The following GNPDA2 variants were observed in gnomAD, a reference collection of about 807,000 sequenced individuals.
GNPDA2 encodes glcN6P deaminase 2.
Under a neutral mutation model 27.0 loss-of-function variants are expected in GNPDA2, and 24 were observed. The ratio of observed to expected loss-of-function variants is 0.89; its 90% confidence interval spans 0.64 to 1.25. GNPDA2 has a LOEUF of 1.25. GNPDA2 is among the 50% of genes most tolerant of loss of function. The pLI, the probability that GNPDA2 is intolerant of heterozygous loss-of-function variation, is 0.00. For missense variants in GNPDA2, 286 were observed against 335.1 expected, an observed-to-expected ratio of 0.85 and a Z score of 1.14; for synonymous variants, 94 against 108.4, an observed-to-expected ratio of 0.87 and a Z score of 0.83.
chr4:44,708,240 G>T (rs756870783), intron 5 of GNPDA2, among the ~76,000 whole-genome samples: 2 of 151,944 alleles, frequency 1.3e-5, no homozygotes, highest in Admixed American at 6.6e-5. Context: ...AGAAACAAAA[G>T]GACTGTGTTG....
chr4:44,706,861 G>A (rs992733030), intron 6 of GNPDA2: 1 of 151,972 alleles, frequency 6.6e-6, no homozygotes, highest in African/African-American at 2.4e-5. Flanking sequence ...AGTTACTAGA[G>A]TAAAAAAGAT....
chr4:44,709,558 G>C (rs1265898498), intron 5 of GNPDA2, among the ~76,000 whole-genome samples: 1 of 152,094 alleles, frequency 6.6e-6, no homozygotes, highest in Non-Finnish European at 1.5e-5. Flanking sequence ...ATGTTGCATT[G>C]ATACAGCTTT....
intron 6 of GNPDA2, chr4:44,704,693 T>C (rs990696531): frequency 1.0e-6 from 1 of 966,776 alleles, no homozygotes; most frequent in Non-Finnish European, 1.2e-6. Context: ...GAAATAATTC[T>C]TCTGATAAAA....
chr4:44,723,254 T>TA (rs1553879974), intron 1 of GNPDA2, among the ~76,000 whole-genome samples: 5 of 152,088 alleles, frequency 3.3e-5, no homozygotes, highest in East Asian at 3.9e-4. Context: ...TTCCTTTTTT[T>TA]TAAAAAAATG....
At chr4:44,704,336 A>C (rs1716456041) in intron 6 of GNPDA2, 1 of 960,904 alleles carries the variant, frequency 1.0e-6, no homozygotes, top group South Asian at 4.8e-5. Context: ...AACATTTTCC[A>C]GAGTATCACT....
intron 2 of GNPDA2, among the ~76,000 whole-genome samples, chr4:44,720,412 C>G (rs1421151811): frequency 6.6e-6 from 1 of 152,040 alleles, no homozygotes. Flanking sequence ...CAAAGCAAAG[C>G]AAAGCAGCCA....
intron 6 of GNPDA2, chr4:44,705,059 A>T: frequency 1.0e-6 from 1 of 983,554 alleles, no homozygotes; most frequent in Non-Finnish European, 1.2e-6. Context: ...GACAATTTTT[A>T]TTGTTTTGGA....
chr4:44,707,778 C>G lies in GNPDA2; in HGVS notation c.743G>C (p.Arg248Thr), dbSNP rs768553217. The change falls in exon 6 of 7, where the codon AGA (arginine) becomes ACA (threonine). Residue 248 changes from arginine (R) to threonine (T), a missense_variant. By Grantham distance (71) the Arg-to-Thr change is moderately conservative (BLOSUM62 -1). Coordinates refer to ENST00000295448, the MANE Select transcript of GNPDA2 (RefSeq NM_138335.3). ...TTTAAAGTATTTCACAGTTTTAACTCTTAATTCTAAAGTAGCATCTTCATC... is the reference window on the plus strand; with the variant it reads ...TTTAAAGTATTTCACAGTTTTAACTGTTAATTCTAAAGTAGCATCTTCATC... The part of the protein sequence containing the change: ...VCDEDATLEL[R>T]VKTVKYFKGL... 6.2e-7 allele frequency: 1 copy of G among 1,613,110 alleles called. No individual in the cohort carries two copies. The highest frequency in any genetic ancestry group is 1.1e-5 in the South Asian group (1 of 91,018).
rs1198283267 is a variant in GNPDA2 at position 44,717,118 on chromosome 4, A to G, written c.404T>C (p.Val135Ala). ...IKEAGGIDLF[V>A]GGIGPDGHIA... ...GACAAAAGGTTTTTACATACCTCCAACAAAAAGATCTATTCCTCCAGCTTC... is the reference window on the plus strand; with the variant it reads ...GACAAAAGGTTTTTACATACCTCCAGCAAAAAGATCTATTCCTCCAGCTTC... Residue 135 changes from valine to alanine, a missense_variant, in exon 4 of 7, where the codon GTT (valine) becomes GCT (alanine). Val to Ala is a moderately conservative substitution (Grantham distance 64). Coordinates refer to ENST00000295448, the MANE Select transcript of GNPDA2 (RefSeq NM_138335.3). 5.6e-6 allele frequency: 9 copies of G among 1,601,630 alleles called. No individual in the cohort carries two copies. The highest frequency in any genetic ancestry group is 7.7e-6 in the Non-Finnish European group (9 of 1,174,232).
chr4:44,709,478 G>GC (rs2109699442), intron 5 of GNPDA2, among the ~76,000 whole-genome samples: 1 of 152,230 alleles, frequency 6.6e-6, no homozygotes, highest in African/African-American at 2.4e-5. Flanking sequence ...TAAATTTAAA[G>GC]AAGCAAGCTA....
At chr4:44,703,224 A>G in intron 6 of GNPDA2, 82 bp from the exon 7 acceptor site, 1 of 1,525,446 alleles carries the variant, frequency 6.6e-7, no homozygotes, top group African/African-American at 1.4e-5. Context: ...AGTATTTTTT[A>G]TAAGACACAG....
chr4:44,717,247 T>C lies in GNPDA2; in HGVS notation c.275A>G (p.Asn92Ser). 6.4e-7 allele frequency: 1 copy of C among 1,553,638 alleles called. No homozygotes were observed. Among genetic ancestry groups the C allele is most frequent in the Non-Finnish European group, 8.8e-7 (1 of 1,140,740 alleles). The change falls in exon 4 of 7, where the codon AAT (asparagine) becomes AGT (serine). Residue 92 changes from asparagine to serine, a missense_variant. Coordinates refer to ENST00000295448, the MANE Select transcript of GNPDA2 (RefSeq NM_138335.3). ...ATCTATATCGATATGCTTAAAAAAATTATTCCACATATAAGAATGGTAGCT... is the reference window on the plus strand; with the variant it reads ...ATCTATATCGATATGCTTAAAAAAACTATTCCACATATAAGAATGGTAGCT... Reference protein sequence around the residue: ...PESYHSYMWNNFFKHIDIDPN... With the variant: ...PESYHSYMWNSFFKHIDIDPN...
At position 44,702,501 on chromosome 4, in the gene GNPDA2, G is replaced by A. The variant is rs1716339267; in HGVS notation, c.*580C>T. ...ATGCACTTACACATACTTTCCAAAAGGATGTAAACTGTACTTTTAGGCACT... is the reference window on the plus strand; with the variant it reads ...ATGCACTTACACATACTTTCCAAAAAGATGTAAACTGTACTTTTAGGCACT... On this transcript the variant is annotated 3_prime_UTR_variant, in exon 7 of 7. Coordinates refer to ENST00000295448, the MANE Select transcript of GNPDA2 (RefSeq NM_138335.3). 3 of 985,060 alleles carry A rather than the reference G, an allele frequency of 3.0e-6. No individual in the cohort carries two copies. The highest frequency in any genetic ancestry group is 3.6e-6 in the Non-Finnish European group (3 of 829,394). The allele number at this position is 985,060 out of a possible 1,614,324, so 61.0% of individuals were successfully genotyped here.
rs1716309771 is a variant in GNPDA2 at position 44,702,157 on chromosome 4, A to G, written c.*924T>C. ...TCACTTCTGGAAATTTAGATAACTT[A>G]TTTATTACACGCTTTATTTGAGTTA... On this transcript the variant is annotated 3_prime_UTR_variant, in exon 7 of 7. Transcript: ENST00000295448. 2 of 912,096 alleles carry G rather than the reference A, an allele frequency of 2.2e-6. No individual in the cohort carries two copies. The highest frequency in any genetic ancestry group is 2.6e-6 in the Non-Finnish European group (2 of 762,896). The allele number at this position is 912,096 out of a possible 1,614,324, so 56.5% of individuals were successfully genotyped here. A position where few individuals can be genotyped will look rare whatever the true frequency, so the allele number is the denominator to read the frequency against.
At chr4:44,716,189 A>G (rs912025480) in intron 4 of GNPDA2, among the ~76,000 whole-genome samples, 1 of 151,968 alleles carries the variant, frequency 6.6e-6, no homozygotes, top group Admixed American at 6.6e-5. Context: ...CTTTAAAACC[A>G]AATTTCCCCC....
intron 5 of GNPDA2, among the ~76,000 whole-genome samples, chr4:44,710,291 C>A (rs1055789923): frequency 2.0e-5 from 3 of 152,062 alleles, no homozygotes; most frequent in African/African-American, 7.2e-5. Context: ...TCCTCTGAAC[C>A]TGTCCAATCT....
Position 44,721,858 on chromosome 4 carries a change from C to T in GNPDA2, c.124+226G>A, listed in dbSNP as rs928971838. ...ACTTAAGTTACAATATTTCCTATTG[C>T]ATTTTGGAGTGACAGGTGAGACTAA... On this transcript the variant is annotated intron_variant, in intron 2 of 6. Transcript: ENST00000295448. Among the ~76,000 whole-genome samples, 5 of 152,046 alleles carry T rather than the reference C, an allele frequency of 3.3e-5. 1 individual carries two copies. The highest frequency in any genetic ancestry group is 1.5e-5 in the Non-Finnish European group (1 of 67,990).
intron 3 of GNPDA2, 50 bp from the exon 4 acceptor site, chr4:44,717,345 GTTTA>G: frequency 1.9e-6 from 2 of 1,053,698 alleles, no homozygotes; most frequent in South Asian, 1.8e-5. Context: ...TAAATCTAAA[GTTTA>G]TTTTTCTTTT....
rs1204100401 is a variant in GNPDA2, at chr4:44,711,582, C to T, written c.410-445G>A. On this transcript the variant is annotated intron_variant, in intron 4 of 6. Coordinates refer to ENST00000295448, the MANE Select transcript of GNPDA2 (RefSeq NM_138335.3). ...CAACTGGGTAAATACTGAGACAGGA[C>T]TTGGATCTGTCTTCTGACTCCTAAC... 3.3e-5 allele frequency among the ~76,000 whole-genome samples: 5 copies of T among 152,008 alleles called. No homozygotes were observed. The East Asian group carries it at 9.6e-4, about 29-fold the overall frequency.
Sources: allele counts gnomAD v4.1 joint callset (sites outside exome capture counted in the v4.1 genomes callset), GRCh38; gene constraint gnomAD v4.1.1; transcripts MANE v1.5; gene names NCBI Gene and HGNC (gene_info 2026-07-23, HGNC 2026-07-21).